C8A: variants seen among roughly 807,000 people sequenced by gnomAD.
C8A encodes complement C8 alpha chain.
A neutral mutation model predicts 65.3 loss-of-function variants in C8A; 67 were observed. The ratio of observed to expected loss-of-function variants is 1.03; its 90% confidence interval spans 0.84 to 1.26. C8A has a LOEUF of 1.26. Among genes scored for constraint, C8A ranks in the 50% most tolerant of loss-of-function variants. The pLI, the probability that C8A is intolerant of heterozygous loss-of-function variation, is 0.00. For missense variants in C8A, 781 were observed against 723.9 expected, an observed-to-expected ratio of 1.08 and a Z score of -0.90; for synonymous variants, 290 against 259.4, an observed-to-expected ratio of 1.12 and a Z score of -1.13.
At chr1:56,855,388 C>A (rs1193582812) in intron 1 of C8A, among the ~76,000 whole-genome samples, 2 of 152,066 alleles carry the variant, frequency 1.3e-5, no homozygotes, top group African/African-American at 2.4e-5. Flanking sequence ...TTAACTTAAC[C>A]CCTACTTTCT....
At chr1:56,905,957 C>T (rs1476209431) in intron 7 of C8A, among the ~76,000 whole-genome samples, 2 of 152,170 alleles carry the variant, frequency 1.3e-5, no homozygotes, top group African/African-American at 2.4e-5. Flanking sequence ...CTACAAAATG[C>T]AGGTTCCTCA....
intron 1 of C8A, among the ~76,000 whole-genome samples, chr1:56,860,053 ACT>A (rs1378192465): frequency 6.6e-6 from 1 of 152,156 alleles, no homozygotes; most frequent in Non-Finnish European, 1.5e-5. Flanking sequence ...GCAGAGCAAG[ACT>A]CTATCTCAAA....
At chr1:56,908,334 G>A (rs911585244) in intron 9 of C8A, among the ~76,000 whole-genome samples, 5 of 152,188 alleles carry the variant, frequency 3.3e-5, no homozygotes, top group African/African-American at 1.2e-4. Context: ...TCTAGTCAGT[G>A]CCTAGTTTTA....
chr1:56,866,830 C>T (rs1021467989), intron 1 of C8A, among the ~76,000 whole-genome samples: 22 of 152,102 alleles, frequency 1.4e-4, no homozygotes, highest in African/African-American at 5.1e-4. Flanking sequence ...AGAGAAGGAT[C>T]GTGGGCTTGG....
chr1:56,892,855 A>G (rs888256970), intron 7 of C8A, among the ~76,000 whole-genome samples: 5 of 152,160 alleles, frequency 3.3e-5, no homozygotes, highest in Non-Finnish European at 7.4e-5. Flanking sequence ...AAAGAATCTC[A>G]GGGAGTCTGA....
chr1:56,878,772 C>T (rs532982800), intron 4 of C8A, among the ~76,000 whole-genome samples: 10 of 152,320 alleles, frequency 6.6e-5, no homozygotes, highest in African/African-American at 2.4e-4. Flanking sequence ...CTCCCTAGAG[C>T]TGACCCCTGT....
intron 1 of C8A, among the ~76,000 whole-genome samples, chr1:56,859,406 T>C (rs1644008937): frequency 6.6e-6 from 1 of 152,202 alleles, no homozygotes; most frequent in South Asian, 2.1e-4. Context: ...AGAAGATCCA[T>C]GTATATGGCA....
chr1:56,858,022 G>C (rs572586937), intron 1 of C8A, among the ~76,000 whole-genome samples: 1 of 152,014 alleles, frequency 6.6e-6, no homozygotes, highest in Non-Finnish European at 1.5e-5. Context: ...CTGCTGTTAA[G>C]CCTGTCCAGT....
intron 2 of C8A, among the ~76,000 whole-genome samples, chr1:56,869,979 A>G (rs1207809797): frequency 6.6e-6 from 1 of 152,180 alleles, no homozygotes; most frequent in Non-Finnish European, 1.5e-5. Context: ...ATTTTGACCT[A>G]GTTCATTCAA....
intron 1 of C8A, among the ~76,000 whole-genome samples, chr1:56,865,951 A>G (rs892671407): frequency 2.6e-5 from 4 of 152,240 alleles, no homozygotes; most frequent in Non-Finnish European, 5.9e-5. Flanking sequence ...CACAAGATCC[A>G]TTCAAAGTAT....
chr1:56,887,309 C>A (rs1175314234), intron 7 of C8A, among the ~76,000 whole-genome samples: 1 of 152,144 alleles, frequency 6.6e-6, no homozygotes, highest in Admixed American at 6.5e-5. Flanking sequence ...AACTAATGTA[C>A]ACTCCCACCA....
chr1:56,893,231 T>C (rs866234735), intron 7 of C8A, among the ~76,000 whole-genome samples: 1 of 152,136 alleles, frequency 6.6e-6, no homozygotes, highest in Non-Finnish European at 1.5e-5. Context: ...TTAACCAAGA[T>C]AGTCATGAAA....
chr1:56,883,736 G>A (rs1312325388), intron 6 of C8A, 55 bp downstream of exon 6: 31 of 1,414,796 alleles, frequency 2.2e-5, no homozygotes, highest in African/African-American at 2.8e-5. Context: ...CACTGAACAC[G>A]TATTACCTTA....
At chr1:56,887,236 G>C (rs1380328804) in intron 7 of C8A, among the ~76,000 whole-genome samples, 1 of 152,178 alleles carries the variant, frequency 6.6e-6, no homozygotes, top group Non-Finnish European at 1.5e-5. Context: ...GGATTGCTGG[G>C]TCAAGTGGTA....
chr1:56,873,206 T>TCA (rs1644163262), intron 2 of C8A, among the ~76,000 whole-genome samples: 1 of 152,140 alleles, frequency 6.6e-6, no homozygotes, highest in Non-Finnish European at 1.5e-5. Context: ...GCTCCACAAC[T>TCA]CACCCATGGA....
intron 6 of C8A, 147 bp from the exon 7 acceptor site, chr1:56,885,780 G>A (rs1402826900): frequency 2.9e-6 from 3 of 1,028,652 alleles, no homozygotes; most frequent in Non-Finnish European, 4.4e-6. Flanking sequence ...TCGATCTCCT[G>A]ACCTTGTGAT....
At chr1:56,911,619 A>G (rs1201743989) in intron 9 of C8A, among the ~76,000 whole-genome samples, 2 of 152,226 alleles carry the variant, frequency 1.3e-5, no homozygotes, top group South Asian at 2.1e-4. Context: ...AGACTCTGCT[A>G]AACAGCCTAC....
At chr1:56,883,417 T>G in intron 5 of C8A, 64 bp from the exon 6 acceptor site, 2 of 1,391,062 alleles carry the variant, frequency 1.4e-6, no homozygotes, top group Non-Finnish European at 2.0e-6. Context: ...GATTTAAGTA[T>G]TAAATATGAA....
At chr1:56,902,942 T>G (rs751215561) in intron 7 of C8A, among the ~76,000 whole-genome samples, 2 of 152,196 alleles carry the variant, frequency 1.3e-5, no homozygotes, top group African/African-American at 4.8e-5. Context: ...GAGAGTGAGA[T>G]TACTTCCTCC....
Sources: gnomAD v4.1 joint callset for allele counts (sites outside exome capture counted in the v4.1 genomes callset) on GRCh38, gnomAD v4.1.1 for gene constraint, MANE v1.5 for transcripts, NCBI Gene and HGNC (gene_info 2026-07-23, HGNC 2026-07-21) for gene names.